The following MAFF variants were observed in gnomAD, a reference collection of about 807,000 sequenced individuals.
MAFF encodes MAF bZIP transcription factor F, also known as transcription factor MafF.
A neutral mutation model predicts 2.7 loss-of-function variants in MAFF; 4 were observed. That is an observed-to-expected ratio of 1.48 (90% CI 0.73 to 3.39). The LOEUF is 3.39. Among genes scored for constraint, MAFF ranks in the 30% most tolerant of loss-of-function variants. The pLI is 0.01. For synonymous variants in MAFF, 113 were observed against 119.4 expected, an observed-to-expected ratio of 0.95 and a Z score of 0.35; for missense variants, 190 against 246.6, an observed-to-expected ratio of 0.77 and a Z score of 1.54.
At chr22:38,212,099 A>G (rs561837735) in intron 1 of MAFF, among the ~76,000 whole-genome samples, 1 of 152,212 alleles carries the variant, frequency 6.6e-6, no homozygotes, top group East Asian at 1.9e-4. Context: ...TCCCAGGTTT[A>G]AGCAATTCTC....
Position 38,214,126 on chromosome 22 carries a change from A to T in MAFF, c.36+237A>T, listed in dbSNP as rs2091123723. 6.6e-6 allele frequency among the ~76,000 whole-genome samples: 1 copy of T among 152,180 alleles called. No individual in the cohort carries two copies. Among genetic ancestry groups the T allele is most frequent in the South Asian group, 2.1e-4 (1 of 4,828 alleles). The stretch of plus-strand genomic sequence containing the variant: ...CTTCCCTCTCCAGGCCTCCTTCCCC[A>T]TCGGGTCAATGTCCCCTGGGGCATT... On this transcript the variant is annotated intron_variant, in intron 2 of 2. Coordinates refer to ENST00000338483, the MANE Select transcript of MAFF (RefSeq NM_012323.4). This position sits in a 1 kb window ranked among gnomAD's most constrained non-coding sequence, Gnocchi z 6.3.
Position 38,214,928 on chromosome 22 carries a change from C to T in MAFF, c.*50C>T, listed in dbSNP as rs1353204755. On this transcript the variant is annotated 3_prime_UTR_variant, in exon 3 of 3. Coordinates refer to ENST00000338483, the MANE Select transcript of MAFF (RefSeq NM_012323.4). The surrounding 1 kb of genome is among the most constrained non-coding windows in gnomAD (Gnocchi z 6.3). ...CACGCCCCTCCGGCCTCAGCTCCCT[C>T]CCCAAAGTGCCTGAGCGCCGCCTCT... is the stretch of plus-strand genomic sequence containing the variant. 3.6e-6 allele frequency: 5 copies of T among 1,377,006 alleles called. No individual in the cohort carries two copies. The highest frequency in any genetic ancestry group is 1.5e-5 in the African/African-American group (1 of 67,778). The allele number at this position is 1,377,006 out of a possible 1,614,324, so 85.3% of individuals were successfully genotyped here. A position where few individuals can be genotyped will look rare whatever the true frequency, so the allele number is the denominator to read the frequency against.
In MAFF at chr22:38,214,515, C is replaced by T; in HGVS notation, c.132C>T (p.Leu44=). ...VRELNRHLRG[L]SAEEVTRLKQ... ...AGCTGAACCGGCATCTGCGCGGGCT[C>T]TCCGCCGAGGAGGTGACACGGCTCA... The change falls in exon 3 of 3, where the codon CTC becomes CTT. Residue 44 remains leucine (L), a synonymous_variant. Transcript: ENST00000338483. This position sits in a 1 kb window ranked among gnomAD's most constrained non-coding sequence, Gnocchi z 6.3. The T allele has an allele frequency of 6.2e-7, 1 of 1,610,558 alleles. No homozygotes were observed.
chr22:38,213,567 G>A (rs1446438433), intron 1 of MAFF: 2 of 590,058 alleles, frequency 3.4e-6, no homozygotes, highest in South Asian at 1.5e-5. Context: ...CTGAGGAGGT[G>A]ACATTGGGCA....
chr22:38,202,087 CG>C lies in MAFF; in HGVS notation c.-155del, dbSNP rs1403446281. The C allele has an allele frequency of 1.3e-5, 2 of 152,230 alleles. No individual in the cohort carries two copies. Among genetic ancestry groups the C allele is most frequent in the African/African-American group, 4.8e-5 (2 of 41,442 alleles). 9.4% of individuals were successfully genotyped at this position (152,230 alleles called of 1,614,324 possible). On this transcript the variant is annotated 5_prime_UTR_variant, in exon 1 of 3. Coordinates refer to ENST00000338483, the MANE Select transcript of MAFF (RefSeq NM_012323.4). The surrounding 1 kb of genome is among the most constrained non-coding windows in gnomAD (Gnocchi z 7.4). ...ACTCAGCGCAGCGCTCCCGGGCGCCCGGTTCAGAGCGACCTGCGGCTCAGAG... is the reference window on the plus strand; with the variant it reads ...ACTCAGCGCAGCGCTCCCGGGCGCCCGTTCAGAGCGACCTGCGGCTCAGAG...
rs925693037 is a variant in MAFF, at chr22:38,215,058, C to A, written c.*180C>A. 5.3e-6 allele frequency: 3 copies of A among 571,242 alleles called. No homozygotes were observed. The highest frequency in any genetic ancestry group is 9.6e-6 in the Non-Finnish European group (3 of 313,366). 35.4% of individuals were successfully genotyped at this position (571,242 alleles called of 1,614,324 possible). ...AGCCCCCCAAACTGGGACCGAATGA[C>A]CCTGGGAAGGGGAACTTGGGTAGGT... On this transcript the variant is annotated 3_prime_UTR_variant, in exon 3 of 3. Transcript: ENST00000338483.
At chr22:38,213,724 G>T in intron 1 of MAFF, 99 bp from the exon 2 acceptor site, 1 of 862,178 alleles carries the variant, frequency 1.2e-6, no homozygotes. Flanking sequence ...TCAGTTCTAA[G>T]ATAGCAGAGG....
chr22:38,210,371 GCCCT>G (rs1227676448), intron 1 of MAFF, among the ~76,000 whole-genome samples: 1 of 152,154 alleles, frequency 6.6e-6, no homozygotes, highest in Non-Finnish European at 1.5e-5. Context: ...TTCCTGAGAA[GCCCT>G]GGACTGTCCC....
intron 1 of MAFF, among the ~76,000 whole-genome samples, chr22:38,209,809 A>G: frequency 1.2e-5 from 1 of 80,408 alleles, no homozygotes. Flanking sequence ...GCGAGACTCC[A>G]TCTCAAAAAA....
At chr22:38,211,799 C>T (rs1401772717) in intron 1 of MAFF, among the ~76,000 whole-genome samples, 1 of 152,142 alleles carries the variant, frequency 6.6e-6, no homozygotes, top group African/African-American at 2.4e-5. Flanking sequence ...GGAGACACCC[C>T]GGTCCTGCCA....
intron 1 of MAFF, among the ~76,000 whole-genome samples, chr22:38,211,538 T>G (rs2284068): frequency 1.3e-5 from 2 of 152,188 alleles, no homozygotes; most frequent in Non-Finnish European, 2.9e-5. Context: ...GGGGATCACT[T>G]TCTGCAGCAC....
At chr22:38,207,677 C>T (rs537368225) in intron 1 of MAFF, among the ~76,000 whole-genome samples, 4 of 151,578 alleles carry the variant, frequency 2.6e-5, no homozygotes, top group Admixed American at 6.6e-5. Context: ...AGCTCACTGC[C>T]GCCTTGAATT....
intron 1 of MAFF, chr22:38,205,600 C>T (rs1227033874): frequency 6.6e-6 from 1 of 152,196 alleles, no homozygotes; most frequent in Non-Finnish European, 1.5e-5. Context: ...TCACCTCTCT[C>T]CTTATGCCTC....
chr22:38,206,886 C>T (rs2091056001), intron 1 of MAFF, among the ~76,000 whole-genome samples: 1 of 152,134 alleles, frequency 6.6e-6, no homozygotes, highest in African/African-American at 2.4e-5. Flanking sequence ...CACGTGCCAG[C>T]TCCCCAAACG....
chr22:38,213,759 T>C, intron 1 of MAFF, 64 bp from the exon 2 acceptor site: 1 of 1,227,988 alleles, frequency 8.1e-7, no homozygotes, highest in Non-Finnish European at 1.2e-6. Context: ...GTAGTGAGTT[T>C]GGATTTTATT....
At position 38,213,048 on chromosome 22, in the gene MAFF, G is replaced by C. The variant is rs532756978; in HGVS notation, c.-31-775G>C. Among the ~76,000 whole-genome samples the C allele has an allele frequency of 3.1e-3, 475 of 151,892 alleles. 1 individual carries two copies. Among genetic ancestry groups the C allele is most frequent in the African/African-American group, 0.011 (461 of 41,412 alleles). ...AAAAATTAGCTGGGCGTGGTGACAG[G>C]CACCTGTAATCCCAGCTACTTGGGA... On this transcript the variant is annotated intron_variant, in intron 1 of 2. Coordinates refer to ENST00000338483, the MANE Select transcript of MAFF (RefSeq NM_012323.4).
intron 1 of MAFF, among the ~76,000 whole-genome samples, chr22:38,210,137 C>T (rs914000450): frequency 5.9e-5 from 9 of 152,184 alleles, no homozygotes; most frequent in Non-Finnish European, 8.8e-5. Context: ...ACCGTGGATC[C>T]GCACAGGGGT....
Position 38,214,962 on chromosome 22 carries a change from G to A in MAFF, c.*84G>A. 9.6e-7 allele frequency: 1 copy of A among 1,043,754 alleles called. No homozygotes were observed. Among genetic ancestry groups the A allele is most frequent in the Non-Finnish European group, 1.4e-6 (1 of 700,764 alleles). The allele number at this position is 1,043,754 out of a possible 1,614,324, so 64.7% of individuals were successfully genotyped here. ...GCCTGAGCGCCGCCTCTGTGCCCAG[G>A]TCCCATTTCTCTGCAGCACTGGCCC... On this transcript the variant is annotated 3_prime_UTR_variant, in exon 3 of 3. Transcript: ENST00000338483. This position sits in a 1 kb window ranked among gnomAD's most constrained non-coding sequence, Gnocchi z 6.3.
intron 1 of MAFF, among the ~76,000 whole-genome samples, chr22:38,208,716 A>G (rs2091072703): frequency 6.6e-6 from 1 of 152,120 alleles, no homozygotes; most frequent in Non-Finnish European, 1.5e-5. Flanking sequence ...ACAACCCATT[A>G]CACACAGGGG....
Sources: allele counts gnomAD v4.1 joint callset (sites outside exome capture counted in the v4.1 genomes callset), GRCh38; gene constraint gnomAD v4.1.1; non-coding constraint Gnocchi (gnomAD v3.1); transcripts MANE v1.5; gene names NCBI Gene and HGNC (gene_info 2026-07-23, HGNC 2026-07-21).